USP24: variants seen among roughly 807,000 people sequenced by gnomAD.
USP24 encodes ubiquitin specific peptidase 24.
A neutral mutation model predicts 361.6 loss-of-function variants in USP24; 97 were observed. The observed-to-expected ratio is 0.27, with a 90% CI of 0.23 to 0.32. USP24 has a LOEUF of 0.32. Among genes scored for constraint, USP24 ranks in the 10% least tolerant of loss-of-function variants. The pLI, the probability that USP24 is intolerant of heterozygous loss-of-function variation, is 1.00. For synonymous variants in USP24, 1,098 were observed against 1,124.6 expected (o/e 0.98, Z 0.47); for missense variants, 2,353 against 3,165.6 (o/e 0.74, Z 6.16).
At chr1:55,152,468 CT>C (rs1647232423) in intron 16 of USP24, among the ~76,000 whole-genome samples, 1 of 152,160 alleles carries the variant, frequency 6.6e-6, no homozygotes, top group African/African-American at 2.4e-5. Context: ...ATCCATTCAG[CT>C]TTGACCTTTT....
intron 23 of USP24, 64 bp from the exon 24 acceptor site, chr1:55,141,795 G>T: frequency 6.9e-7 from 1 of 1,449,318 alleles, no homozygotes; most frequent in Non-Finnish European, 9.5e-7. Context: ...GTGACATTCT[G>T]GACAGGATAA....
chr1:55,214,693 G>T, intron 1 of USP24, 97 bp downstream of exon 1: 2 of 1,005,506 alleles, frequency 2.0e-6, no homozygotes, highest in Non-Finnish European at 2.5e-6. Context: ...CCAGTCGAAT[G>T]CCCTCTCTCC....
At chr1:55,156,594 TAA>T (rs969018486) in intron 12 of USP24, among the ~76,000 whole-genome samples, 1 of 152,088 alleles carries the variant, frequency 6.6e-6, no homozygotes, top group Non-Finnish European at 1.5e-5. Flanking sequence ...TAATAGGGAC[TAA>T]ATGGGAAAAA....
intron 39 of USP24, 46 bp from the exon 40 acceptor site, chr1:55,107,476 C>A: frequency 2.0e-6 from 3 of 1,489,474 alleles, no homozygotes; most frequent in South Asian, 2.8e-5. Context: ...AAGGATTTCC[C>A]TTTATGGAGT....
intron 1 of USP24, among the ~76,000 whole-genome samples, chr1:55,206,657 T>TTA (rs113069542): frequency 1.5e-5 from 2 of 130,498 alleles, no homozygotes; most frequent in Non-Finnish European, 3.2e-5. Context: ...AGAAAAACAG[T>TTA]AAAAAAAAAA....
intron 12 of USP24, among the ~76,000 whole-genome samples, chr1:55,155,662 G>A (rs956037085): frequency 1.3e-5 from 2 of 152,134 alleles, no homozygotes; most frequent in African/African-American, 4.8e-5. Flanking sequence ...TGGGCTGGGA[G>A]CCTGCCAACT....
At chr1:55,108,826 G>A (rs1317269859) in intron 39 of USP24, among the ~76,000 whole-genome samples, 3 of 152,284 alleles carry the variant, frequency 2.0e-5, no homozygotes, top group African/African-American at 7.2e-5. Flanking sequence ...GGGAGCCTGG[G>A]TGAAAACCAG....
chr1:55,134,463 C>T (rs1156631768), intron 28 of USP24, 50 bp from the exon 29 acceptor site: 2 of 1,486,584 alleles, frequency 1.3e-6, no homozygotes, highest in East Asian at 4.6e-5. Flanking sequence ...AGAATGTTCT[C>T]CTTTCCTAAT....
chr1:55,149,842 C>T (rs1222335714), intron 16 of USP24, among the ~76,000 whole-genome samples: 1 of 152,192 alleles, frequency 6.6e-6, no homozygotes, highest in East Asian at 1.9e-4. Context: ...AAATTTGGAT[C>T]ACTAATTTGT....
intron 56 of USP24, among the ~76,000 whole-genome samples, chr1:55,084,941 T>C (rs1443468634): frequency 6.6e-6 from 1 of 152,194 alleles, no homozygotes; most frequent in African/African-American, 2.4e-5. Flanking sequence ...GGTTGGTACA[T>C]GGGAGGAAGG....
chr1:55,204,969 C>A (rs979627062), intron 1 of USP24, among the ~76,000 whole-genome samples: 11 of 152,122 alleles, frequency 7.2e-5, no homozygotes, highest in Non-Finnish European at 1.6e-4. Context: ...GCAGTCCCAC[C>A]TTCTTAAAAA....
At chr1:55,165,146 A>G (rs1412246968) in intron 7 of USP24, among the ~76,000 whole-genome samples, 3 of 152,134 alleles carry the variant, frequency 2.0e-5, no homozygotes, top group African/African-American at 7.2e-5. Context: ...TTTCACAAAA[A>G]TAACTGCAAC....
At chr1:55,171,033 A>G (rs935441181) in intron 5 of USP24, among the ~76,000 whole-genome samples, 1 of 152,174 alleles carries the variant, frequency 6.6e-6, no homozygotes, top group South Asian at 2.1e-4. Context: ...GAAACCAAAC[A>G]GTGTTTTAAC....
chr1:55,158,622 T>C (rs1045585056), intron 10 of USP24, among the ~76,000 whole-genome samples: 4 of 152,220 alleles, frequency 2.6e-5, no homozygotes, highest in Non-Finnish European at 5.9e-5. Context: ...AAACTGTATA[T>C]TCTAAGGGAT....
chr1:55,185,320 T>C (rs934480850), intron 1 of USP24, among the ~76,000 whole-genome samples: 1 of 151,598 alleles, frequency 6.6e-6, no homozygotes, highest in African/African-American at 2.4e-5. Flanking sequence ...ATCAACAACA[T>C]AACCTCCCAC....
At chr1:55,123,654 T>C in intron 35 of USP24, 52 bp from the exon 36 acceptor site, 8 of 1,473,304 alleles carry the variant, frequency 5.4e-6, no homozygotes, top group Non-Finnish European at 7.2e-6. Context: ...AACTATGCAA[T>C]ATTTTAATCT....
chr1:55,086,187 G>A, intron 55 of USP24, 149 bp from the exon 56 acceptor site: 1 of 682,360 alleles, frequency 1.5e-6, no homozygotes, highest in Non-Finnish European at 2.5e-6. Context: ...GCTTTCCAAG[G>A]TCACTTCACT....
At chr1:55,127,410 T>C (rs1646464455) in intron 32 of USP24, among the ~76,000 whole-genome samples, 1 of 152,244 alleles carries the variant, frequency 6.6e-6, no homozygotes. Flanking sequence ...TCCTTTTTTA[T>C]GGCTGCAGAG....
intron 25 of USP24, 79 bp downstream of exon 25, chr1:55,138,865 C>G: frequency 6.8e-7 from 1 of 1,479,562 alleles, no homozygotes; most frequent in East Asian, 2.3e-5. Flanking sequence ...AAACTCCCAG[C>G]TGCTAGAAAG....
Sources: gnomAD v4.1 joint callset for allele counts (sites outside exome capture counted in the v4.1 genomes callset) on GRCh38, gnomAD v4.1.1 for gene constraint, MANE v1.5 for transcripts, NCBI Gene and HGNC (gene_info 2026-07-23, HGNC 2026-07-21) for gene names.